The following KCNN3 variants were observed in gnomAD, a reference collection of about 807,000 sequenced individuals.
The protein encoded by KCNN3 is potassium calcium-activated channel subfamily N member 3, also known as small conductance calcium-activated potassium channel protein 3.
In KCNN3, 16 loss-of-function variants were observed where a neutral mutation model predicts 62.9. That is an observed-to-expected ratio of 0.25 (90% confidence interval 0.17 to 0.39). KCNN3 has a LOEUF of 0.39. KCNN3 is among the 10% of genes least tolerant of loss of function. The pLI, the probability that KCNN3 is intolerant of heterozygous loss-of-function variation, is 1.00. For synonymous variants in KCNN3, 370 were observed against 389.2 expected, an observed-to-expected ratio of 0.95 and a Z score of 0.58; for missense variants, 599 against 949.4, an observed-to-expected ratio of 0.63 and a Z score of 4.85.
intron 3 of KCNN3, among the ~76,000 whole-genome samples, chr1:154,769,544 A>T (rs553201442): frequency 6.6e-6 from 1 of 152,222 alleles, no homozygotes; most frequent in Non-Finnish European, 1.5e-5. Flanking sequence ...AGTACTTTGC[A>T]AACTACATTC....
intron 1 of KCNN3, among the ~76,000 whole-genome samples, chr1:154,859,078 G>T (rs1558010645): frequency 6.6e-6 from 1 of 152,202 alleles, no homozygotes; most frequent in East Asian, 1.9e-4. Context: ...GCCCTCCAAA[G>T]GCGGTGGCTC....
intron 2 of KCNN3, among the ~76,000 whole-genome samples, chr1:154,819,804 C>G (rs1201333076): frequency 6.6e-6 from 1 of 152,132 alleles, no homozygotes; most frequent in East Asian, 1.9e-4. Flanking sequence ...TGATAGTGAC[C>G]ACCTGGTGGA....
At chr1:154,818,944 G>A (rs984813297) in intron 2 of KCNN3, among the ~76,000 whole-genome samples, 1 of 152,200 alleles carries the variant, frequency 6.6e-6, no homozygotes. Context: ...GGGAAGACGG[G>A]GACATGATCA....
chr1:154,843,701 T>C (rs1441634119), intron 1 of KCNN3, among the ~76,000 whole-genome samples: 3 of 152,030 alleles, frequency 2.0e-5, no homozygotes, highest in Non-Finnish European at 4.4e-5. Context: ...CCAGGCGGGG[T>C]AGGTGGGGAG....
chr1:154,755,504 G>GAAGAAAGAAAGAAAGAAAGAAAGA (rs142240424), intron 3 of KCNN3, among the ~76,000 whole-genome samples: 5 of 109,892 alleles, frequency 4.5e-5, no homozygotes, highest in African/African-American at 1.6e-4. Flanking sequence ...AGAAAGAAAG[G>GAAGAAAGAAAGAAAGAAAGAAAGA]AAGAAAGAAA....
chr1:154,762,915 T>C lies in KCNN3; in HGVS notation c.1448+9060A>G, dbSNP rs900894293. ...ACCATTTATTGAATAATCTATCGCT[T>C]CCCAGTTGGTTTTCTTTCTCGTATA... is the stretch of plus-strand genomic sequence containing the variant. On this transcript the variant is annotated intron_variant, in intron 3 of 7. Coordinates refer to ENST00000271915, the MANE Select transcript of KCNN3 (RefSeq NM_002249.6). 1.7e-4 allele frequency among the ~76,000 whole-genome samples: 26 copies of C among 152,212 alleles called. 1 individual carries two copies. Among genetic ancestry groups the C allele is most frequent in the Admixed American group, 1.2e-3 (19 of 15,286 alleles).
rs1699882749 is a variant in KCNN3 at position 154,702,748 on chromosome 1, T to TATAA, written c.*5227_*5228insTTAT. ...ATATATATATATATATATATATATA[T>TATAA]GTACTTTTTCTTTTTGGCTATAAAT... On this transcript the variant is annotated 3_prime_UTR_variant, in exon 8 of 8. Coordinates refer to ENST00000271915, the MANE Select transcript of KCNN3 (RefSeq NM_002249.6). 8.8e-6 allele frequency: 1 copy of TATAA among 113,428 alleles called. No individual in the cohort carries two copies. The highest frequency in any genetic ancestry group is 2.6e-4 in the East Asian group (1 of 3,832). 7.0% of individuals were successfully genotyped at this position (113,428 alleles called of 1,614,324 possible).
chr1:154,814,662 T>C (rs190208840), intron 2 of KCNN3, among the ~76,000 whole-genome samples: 6 of 152,338 alleles, frequency 3.9e-5, no homozygotes, highest in Non-Finnish European at 1.5e-5. Flanking sequence ...AGACAAGATG[T>C]GGCCACACCA....
chr1:154,803,115 C>T (rs888186800), intron 2 of KCNN3, among the ~76,000 whole-genome samples: 1 of 152,124 alleles, frequency 6.6e-6, no homozygotes, highest in Non-Finnish European at 1.5e-5. Context: ...CAGACTGTGG[C>T]CAGGCTTTGT....
intron 2 of KCNN3, among the ~76,000 whole-genome samples, chr1:154,786,118 T>G (rs1291129213): frequency 6.6e-6 from 1 of 152,154 alleles, no homozygotes; most frequent in East Asian, 1.9e-4. Context: ...GCACCCTCAC[T>G]AAAGCAGGGG....
Position 154,707,823 on chromosome 1 carries a change from A to T in KCNN3, c.*153T>A. 1.2e-6 allele frequency: 1 copy of T among 867,696 alleles called. No homozygotes were observed. Among genetic ancestry groups the T allele is most frequent in the Non-Finnish European group, 1.8e-6 (1 of 559,608 alleles). The allele number at this position is 867,696 out of a possible 1,614,324, so 53.7% of individuals were successfully genotyped here. A position where few individuals can be genotyped will look rare whatever the true frequency, so the allele number is the denominator to read the frequency against. On this transcript the variant is annotated 3_prime_UTR_variant, in exon 8 of 8. Transcript: ENST00000271915. ...TTCTGGTTTCAAGGCATGTCGGACC[A>T]AGCACGCTGAATGAACATGAGTTAG...
intron 3 of KCNN3, among the ~76,000 whole-genome samples, chr1:154,752,908 C>G (rs1330138457): frequency 6.6e-6 from 1 of 152,198 alleles, no homozygotes; most frequent in African/African-American, 2.4e-5. Context: ...TCACCCTTGA[C>G]TAGGCTCCGA....
rs183450472 is a variant in KCNN3, at chr1:154,712,163, C to G, written c.1899+1301G>C. On this transcript the variant is annotated intron_variant, in intron 7 of 7. Transcript: ENST00000271915. ...TTCCCAGGTCTAGTTCGAGTCAGTT[C>G]CTTCCTGCAGTCTGGCCACATGTCT... 3.9e-5 allele frequency among the ~76,000 whole-genome samples: 6 copies of G among 152,298 alleles called. No individual in the cohort carries two copies. The East Asian group carries it at 1.2e-3, about 29-fold the overall frequency.
chr1:154,783,985 T>C (rs1042817926), intron 2 of KCNN3, among the ~76,000 whole-genome samples: 4 of 152,062 alleles, frequency 2.6e-5, no homozygotes, highest in Admixed American at 1.3e-4. Flanking sequence ...AAGTACAGGA[T>C]GGAGGTGGAG....
At chr1:154,756,734 A>C (rs1004475401) in intron 3 of KCNN3, among the ~76,000 whole-genome samples, 2 of 152,188 alleles carry the variant, frequency 1.3e-5, no homozygotes, top group Admixed American at 6.5e-5. Context: ...GAATCATTGC[A>C]AACTTCTTTT....
intron 5 of KCNN3, 114 bp from the exon 6 acceptor site, chr1:154,715,117 C>T: frequency 7.6e-7 from 1 of 1,315,070 alleles, no homozygotes; most frequent in South Asian, 1.2e-5. Context: ...GATCTATTTT[C>T]TTAACCAAAA....
At chr1:154,773,677 G>A (rs1020599028) in intron 2 of KCNN3, among the ~76,000 whole-genome samples, 2 of 152,238 alleles carry the variant, frequency 1.3e-5, no homozygotes, top group Non-Finnish European at 2.9e-5. Context: ...GACCACAAGT[G>A]TTCTATGTTG....
At chr1:154,727,718 T>C (rs1159635840) in intron 4 of KCNN3, among the ~76,000 whole-genome samples, 1 of 152,234 alleles carries the variant, frequency 6.6e-6, no homozygotes, top group African/African-American at 2.4e-5. Context: ...TGCCCAATTT[T>C]CAAAGGATCT....
intron 1 of KCNN3, among the ~76,000 whole-genome samples, chr1:154,826,821 G>T (rs565726272): frequency 6.6e-6 from 1 of 152,204 alleles, no homozygotes; most frequent in South Asian, 2.1e-4. Context: ...TATTGTTTGG[G>T]TCATCGCAAA....
Sources: allele counts gnomAD v4.1 joint callset (sites outside exome capture counted in the v4.1 genomes callset), GRCh38; gene constraint gnomAD v4.1.1; transcripts MANE v1.5; gene names NCBI Gene and HGNC (gene_info 2026-07-23, HGNC 2026-07-21).